ROBO2: variants seen among roughly 807,000 people sequenced by gnomAD.
The protein encoded by ROBO2 is roundabout guidance receptor 2.
In ROBO2, 53 loss-of-function variants were observed where a neutral mutation model predicts 160.8. The ratio of observed to expected loss-of-function variants is 0.33; its 90% CI spans 0.26 to 0.41. The LOEUF (loss-of-function observed/expected upper bound fraction) is 0.41. Among genes scored for constraint, ROBO2 ranks in the 10% least tolerant of loss-of-function variants. The pLI is 1.00. For synonymous variants in ROBO2, 664 were observed against 611.7 expected (o/e 1.09, Z -1.26); for missense variants, 1,577 against 1,722.4 (o/e 0.92, Z 1.49).
intron 2 of ROBO2, among the ~76,000 whole-genome samples, chr3:76,626,071 G>C (rs993613830): frequency 2.0e-5 from 3 of 152,154 alleles, no homozygotes; most frequent in African/African-American, 7.2e-5. Context: ...ACAAAGTTTG[G>C]ATGATAGATC....
chr3:76,206,950 A>G (rs1702845679), intron 2 of ROBO2, among the ~76,000 whole-genome samples: 3 of 152,244 alleles, frequency 2.0e-5, no homozygotes, highest in South Asian at 2.1e-4. Flanking sequence ...TCCCATTAGA[A>G]AAGATTATGC....
chr3:76,179,353 C>T, intron 2 of ROBO2, among the ~76,000 whole-genome samples: 1 of 152,102 alleles, frequency 6.6e-6, no homozygotes, highest in Non-Finnish European at 1.5e-5. Context: ...TCTTCTTTCC[C>T]ATGCCCACTG....
At chr3:75,939,002 CTG>C (rs1947918058) in intron 2 of ROBO2, among the ~76,000 whole-genome samples, 1 of 152,014 alleles carries the variant, frequency 6.6e-6, no homozygotes, top group Non-Finnish European at 1.5e-5. Flanking sequence ...GTTTCTGTGG[CTG>C]TAAGAGTTGT....
intron 5 of ROBO2, among the ~76,000 whole-genome samples, chr3:77,508,352 CAT>C (rs201207211): frequency 0.031 from 4,529 of 147,258 alleles, 208 homozygotes; most frequent in African/African-American, 0.1. Context: ...TTATATAAAA[CAT>C]ATATTATTAT....
At chr3:76,028,931 A>G (rs1415927087) in intron 2 of ROBO2, among the ~76,000 whole-genome samples, 8 of 151,990 alleles carry the variant, frequency 5.3e-5, no homozygotes. Context: ...CTGTGATCCT[A>G]TTTTGGGGGC....
intron 2 of ROBO2, among the ~76,000 whole-genome samples, chr3:77,459,334 T>G (rs1181132546): frequency 1.3e-5 from 2 of 152,214 alleles, no homozygotes; most frequent in Non-Finnish European, 2.9e-5. Flanking sequence ...TAAGGAACTT[T>G]CTACTAAAGT....
chr3:76,091,042 A>T (rs896486556), intron 2 of ROBO2, among the ~76,000 whole-genome samples: 17 of 152,322 alleles, frequency 1.1e-4, no homozygotes, highest in Middle Eastern at 3.4e-3. Context: ...TTTGACAATG[A>T]CTTTTTAGAA....
At chr3:76,639,458 A>ACT (rs912503319) in intron 2 of ROBO2, among the ~76,000 whole-genome samples, 31 of 121,964 alleles carry the variant, frequency 2.5e-4, no homozygotes, top group African/African-American at 9.8e-4. Context: ...GTGTACCTAC[A>ACT]CTCTCTCACA....
chr3:76,806,313 T>C (rs1037710411), intron 2 of ROBO2, among the ~76,000 whole-genome samples: 3 of 151,696 alleles, frequency 2.0e-5, no homozygotes, highest in African/African-American at 7.3e-5. Flanking sequence ...TCCTGCTTCC[T>C]CTTGCACACC....
intron 2 of ROBO2, among the ~76,000 whole-genome samples, chr3:76,324,503 T>G (rs2107932555): frequency 6.6e-6 from 1 of 152,352 alleles, no homozygotes; most frequent in Admixed American, 6.5e-5. Context: ...TTTCTCTCAT[T>G]TAACAAGTTA....
At position 77,496,329 on chromosome 3, in the gene ROBO2, CT is replaced by C. The variant is rs1303640279; in HGVS notation, c.806+2952del. On this transcript the variant is annotated intron_variant, in intron 5 of 25. Transcript: ENST00000461745. Reference sequence around the variant, plus strand: ...TATTTCATCATGAAAGAAGCATGTACTTTTTCTTGAATTCCCAGTCTTTAAG... The same window carrying C: ...TATTTCATCATGAAAGAAGCATGTACTTTTCTTGAATTCCCAGTCTTTAAG... Among the ~76,000 whole-genome samples, 2 of 152,154 alleles carry C rather than the reference CT, an allele frequency of 1.3e-5. 1 individual carries two copies. Among genetic ancestry groups the C allele is most frequent in the Non-Finnish European group, 2.9e-5 (2 of 68,014 alleles).
chr3:77,004,521 C>A (rs1353555807), intron 2 of ROBO2, among the ~76,000 whole-genome samples: 3 of 152,162 alleles, frequency 2.0e-5, no homozygotes, highest in African/African-American at 7.2e-5. Context: ...TGAAGCTATA[C>A]AATGTCCATG....
intron 2 of ROBO2, among the ~76,000 whole-genome samples, chr3:77,276,832 G>T (rs2059861315): frequency 6.6e-6 from 1 of 152,182 alleles, no homozygotes; most frequent in Non-Finnish European, 1.5e-5. Flanking sequence ...AGTCGAATGA[G>T]GAGCAAAGTC....
intron 2 of ROBO2, among the ~76,000 whole-genome samples, chr3:76,029,492 T>A (rs1357835535): frequency 2.0e-5 from 3 of 152,060 alleles, no homozygotes; most frequent in Non-Finnish European, 4.4e-5. Context: ...ATTAAGTATT[T>A]CTCCTAAAGC....
intron 2 of ROBO2, among the ~76,000 whole-genome samples, chr3:76,448,736 G>C (rs1344603546): frequency 2.6e-5 from 4 of 152,124 alleles, no homozygotes; most frequent in Non-Finnish European, 5.9e-5. Flanking sequence ...CTCTGAACCA[G>C]ACTTTACATT....
rs1256386551 is a variant in ROBO2 at position 77,409,684 on chromosome 3, C to T, written c.389-67730C>T. 2.0e-5 allele frequency among the ~76,000 whole-genome samples: 3 copies of T among 152,024 alleles called. No individual in the cohort carries two copies. The East Asian group carries it at 5.8e-4, about 29-fold the overall frequency. On this transcript the variant is annotated intron_variant, in intron 2 of 25. Coordinates refer to ENST00000461745, the Ensembl canonical transcript of ROBO2. The stretch of plus-strand genomic sequence containing the variant: ...TAATTTTCACTGGAGAAGGACTGGA[C>T]CGTGGGTAAGCAAATGACTCTTTGT...
intron 2 of ROBO2, among the ~76,000 whole-genome samples, chr3:76,666,584 T>A (rs544186007): frequency 6.6e-6 from 1 of 152,236 alleles, no homozygotes; most frequent in African/African-American, 2.4e-5. Context: ...TATTAACTGA[T>A]TCTGACCCTA....
chr3:77,539,513 A>G (rs2092355150), intron 6 of ROBO2, among the ~76,000 whole-genome samples: 1 of 152,088 alleles, frequency 6.6e-6, no homozygotes, highest in African/African-American at 2.4e-5. Context: ...ACTGGTGGGT[A>G]TGTGTATAGG....
intron 8 of ROBO2, among the ~76,000 whole-genome samples, chr3:77,552,248 T>C (rs1055171921): frequency 6.6e-6 from 1 of 152,064 alleles, no homozygotes; most frequent in Non-Finnish European, 1.5e-5. Flanking sequence ...GCCTATGTTT[T>C]ATTCTATATT....
Sources: gnomAD v4.1 joint callset for allele counts (sites outside exome capture counted in the v4.1 genomes callset) on GRCh38, gnomAD v4.1.1 for gene constraint, MANE v1.5 for transcripts, NCBI Gene and HGNC (gene_info 2026-07-23, HGNC 2026-07-21) for gene names.